TRERF1: variants seen among roughly 807,000 people sequenced by gnomAD.
TRERF1 encodes transcriptional regulating factor 1, also known as transcriptional-regulating factor 1.
A neutral mutation model predicts 122.9 loss-of-function variants in TRERF1; 27 were observed. The ratio of observed to expected loss-of-function variants is 0.22; its 90% confidence interval spans 0.16 to 0.30. The LOEUF (loss-of-function observed/expected upper bound fraction) is 0.30. Ranked by LOEUF, TRERF1 falls within the 10% of genes least tolerant of loss-of-function variation. TRERF1 has a pLI of 1.00. For synonymous variants in TRERF1, 636 were observed against 641.7 expected (o/e 0.99, Z 0.13); for missense variants, 1,248 against 1,560.3 (o/e 0.80, Z 3.37).
At chr6:42,365,532 A>G (rs1012914708) in intron 2 of TRERF1, among the ~76,000 whole-genome samples, 3 of 152,122 alleles carry the variant, frequency 2.0e-5, no homozygotes, top group Admixed American at 6.5e-5. Flanking sequence ...GAGAAGATTC[A>G]TTATTCCTTG....
intron 2 of TRERF1, among the ~76,000 whole-genome samples, chr6:42,446,757 C>T (rs781049825): frequency 1.3e-5 from 2 of 152,130 alleles, no homozygotes; most frequent in Non-Finnish European, 2.9e-5. Context: ...CATCCCAGCA[C>T]TTTGGGAGGC....
chr6:42,414,713 A>G (rs1293531781), intron 2 of TRERF1, among the ~76,000 whole-genome samples: 1 of 152,112 alleles, frequency 6.6e-6, no homozygotes, highest in Non-Finnish European at 1.5e-5. Context: ...TGTGCAATGC[A>G]CTCCGTTATC....
intron 3 of TRERF1, among the ~76,000 whole-genome samples, chr6:42,340,333 G>A (rs1441590357): frequency 1.3e-5 from 2 of 152,136 alleles, no homozygotes; most frequent in African/African-American, 2.4e-5. Flanking sequence ...GGGAGGGCAG[G>A]CAGAGAGAGG....
chr6:42,249,286 T>C (rs909555967), intron 13 of TRERF1, among the ~76,000 whole-genome samples: 1 of 152,190 alleles, frequency 6.6e-6, no homozygotes, highest in Non-Finnish European at 1.5e-5. Context: ...CTCTGAGACA[T>C]GACAAGACAC....
At position 42,276,566 on chromosome 6, in the gene TRERF1, G is replaced by A. The variant is rs1781186177; in HGVS notation, c.-258-6718C>T. ...CCAAGGGCGGCTCTCCAGGATGTGGGCCGCAGTTCGCCGTCTTCTTTTTAG... is the reference window on the plus strand; with the variant it reads ...CCAAGGGCGGCTCTCCAGGATGTGGACCGCAGTTCGCCGTCTTCTTTTTAG... On this transcript the variant is annotated intron_variant, in intron 4 of 17. Transcript: ENST00000372922. This position sits in a 1 kb window ranked among gnomAD's most constrained non-coding sequence, Gnocchi z 4.3. 6.6e-6 allele frequency among the ~76,000 whole-genome samples: 1 copy of A among 152,204 alleles called. No homozygotes were observed. The highest frequency in any genetic ancestry group is 1.5e-5 in the Non-Finnish European group (1 of 68,036).
At chr6:42,363,376 C>T (rs1216441970) in intron 2 of TRERF1, among the ~76,000 whole-genome samples, 6 of 152,206 alleles carry the variant, frequency 3.9e-5, no homozygotes, top group Non-Finnish European at 7.3e-5. Context: ...CAGCAAAGGA[C>T]GCCAGCTTCA....
At chr6:42,397,242 C>A (rs911279351) in intron 2 of TRERF1, among the ~76,000 whole-genome samples, 1 of 152,050 alleles carries the variant, frequency 6.6e-6, no homozygotes, top group Non-Finnish European at 1.5e-5. Flanking sequence ...TGGGTTGGGA[C>A]CTCATGAGGA....
At chr6:42,424,873 T>C (rs907463114) in intron 2 of TRERF1, among the ~76,000 whole-genome samples, 1 of 152,232 alleles carries the variant, frequency 6.6e-6, no homozygotes. Flanking sequence ...GTGGGATTAT[T>C]TGATGAAAGC....
intron 14 of TRERF1, among the ~76,000 whole-genome samples, 171 bp from the exon 15 acceptor site, chr6:42,243,532 C>A (rs1774139971): frequency 6.6e-6 from 1 of 151,918 alleles, no homozygotes; most frequent in Non-Finnish European, 1.5e-5. Context: ...TACCCCTCAC[C>A]CTGCAACACA....
At chr6:42,384,922 A>G (rs1225803036) in intron 2 of TRERF1, among the ~76,000 whole-genome samples, 3 of 151,470 alleles carry the variant, frequency 2.0e-5, no homozygotes, top group Non-Finnish European at 2.9e-5. Flanking sequence ...CTCCCACTTC[A>G]GCTTCTTGAG....
chr6:42,268,222 T>G lies in TRERF1; in HGVS notation c.1369A>C (p.Ser457Arg). 2 of 1,488,912 alleles carry G rather than the reference T, an allele frequency of 1.3e-6. No individual in the cohort carries two copies. The highest frequency in any genetic ancestry group is 4.7e-5 in the East Asian group (2 of 42,930). 92.2% of individuals were successfully genotyped at this position (1,488,912 alleles called of 1,614,324 possible). The change falls in exon 5 of 18, where the codon AGT becomes CGT. Residue 457 changes from serine (S) to arginine (R), a missense_variant. Physicochemically the swap from Ser to Arg is moderately radical, Grantham distance 110 (BLOSUM62 -1). This residue lies in a region of TRERF1 where 946 missense variants were observed against 1,073.0 expected (regional missense o/e 0.88). Coordinates refer to ENST00000372922, the Ensembl canonical transcript of TRERF1. The surrounding 1 kb of genome is among the most constrained non-coding windows in gnomAD (Gnocchi z 4.4). ...CCCATGTTGTTGAGGTGGATCCCAC[T>G]GGGGGATAGGAGGGGGCGATGGGGG...
Position 42,268,936 on chromosome 6 carries a change from G to T in TRERF1, c.655C>A (p.Pro219Thr), listed in dbSNP as rs1318378679. The T allele has an allele frequency of 2.5e-6, 4 of 1,612,618 alleles. No individual in the cohort carries two copies. The highest frequency in any genetic ancestry group is 2.2e-5 in the South Asian group (2 of 91,052). The change falls in exon 5 of 18, where the codon CCA becomes ACA. Residue 219 changes from proline to threonine, a missense_variant. Physicochemically the swap from Pro to Thr is conservative, Grantham distance 38. This residue lies in a region of TRERF1 where 946 missense variants were observed against 1,073.0 expected (regional missense o/e 0.88). Coordinates refer to ENST00000372922, the Ensembl canonical transcript of TRERF1. This position sits in a 1 kb window ranked among gnomAD's most constrained non-coding sequence, Gnocchi z 4.4. The stretch of plus-strand genomic sequence containing the variant: ...GGGTGCTGCCCGACCTGAAGAGCTG[G>T]TTTGGACAGCCCACCAGTGAAACCA...
Position 42,228,292 on chromosome 6 carries a change from T to C in TRERF1, c.*53A>G. ...AAGCAGGCAGTCCAGGTTTCCTGAT[T>C]AATGAAGATGGAGGCCGTGGGTTTT... On this transcript the variant is annotated 3_prime_UTR_variant, in exon 18 of 18. Transcript: ENST00000372922. This position sits in a 1 kb window ranked among gnomAD's most constrained non-coding sequence, Gnocchi z 4.2. The C allele has an allele frequency of 2.0e-6, 3 of 1,489,856 alleles. 1 individual carries two copies. The South Asian group carries it at 4.1e-5, about 21-fold the overall frequency. 92.3% of individuals were successfully genotyped at this position (1,489,856 alleles called of 1,614,324 possible).
At chr6:42,345,971 A>G (rs11962510) in intron 3 of TRERF1, among the ~76,000 whole-genome samples, 16,466 of 152,308 alleles carry the variant, frequency 0.11, 1,494 homozygotes, top group African/African-American at 0.25. Context: ...TATGAGGTGG[A>G]AAAAAAGGAA....
chr6:42,279,595 A>C (rs980456263), intron 4 of TRERF1, among the ~76,000 whole-genome samples: 3 of 152,176 alleles, frequency 2.0e-5, no homozygotes, highest in Non-Finnish European at 4.4e-5. Flanking sequence ...CTCAAGCTCC[A>C]CACCTAGCGT....
intron 2 of TRERF1, among the ~76,000 whole-genome samples, chr6:42,450,429 C>T (rs984263383): frequency 2.0e-5 from 3 of 152,234 alleles, no homozygotes; most frequent in Admixed American, 1.3e-4. Context: ...GAATTGAAGC[C>T]ATCCCCTTCA....
At position 42,377,965 on chromosome 6, in the gene TRERF1, T is replaced by C. The variant is rs141498206; in HGVS notation, c.-453-14886A>G. ...GTCACCATCTTGAAAGTCTTAATGA[T>C]TTTTAATCAAGAGGCCTCACATTTT... On this transcript the variant is annotated intron_variant, in intron 2 of 17. Transcript: ENST00000372922. 4.8e-3 allele frequency among the ~76,000 whole-genome samples: 735 copies of C among 152,266 alleles called. 7 individuals are homozygous for C. The highest frequency in any genetic ancestry group is 0.016 in the African/African-American group (678 of 41,524).
At chr6:42,337,999 A>C (rs2150667556) in intron 3 of TRERF1, among the ~76,000 whole-genome samples, 1 of 152,234 alleles carries the variant, frequency 6.6e-6, no homozygotes, top group Non-Finnish European at 1.5e-5. Flanking sequence ...CCTACCCTGG[A>C]CCTCCTGAAA....
intron 2 of TRERF1, among the ~76,000 whole-genome samples, chr6:42,400,129 C>T (rs1197805605): frequency 6.6e-6 from 1 of 152,218 alleles, no homozygotes; most frequent in Non-Finnish European, 1.5e-5. Context: ...CAGTCGTCTC[C>T]AAAGAGGAGT....
Sources: gnomAD v4.1 joint callset for allele counts (sites outside exome capture counted in the v4.1 genomes callset) on GRCh38, gnomAD v4.1.1 for gene constraint, gnomAD v4.1.1 regional missense constraint, Gnocchi (gnomAD v3.1) non-coding constraint, MANE v1.5 for transcripts, NCBI Gene and HGNC (gene_info 2026-07-23, HGNC 2026-07-21) for gene names.